The following IFRD1 variants were observed in gnomAD, a reference collection of about 807,000 sequenced individuals.
IFRD1 encodes the protein interferon related developmental regulator 1, also known as interferon-related developmental regulator 1.
IFRD1 carries 35 observed loss-of-function variants against 52.9 expected under a neutral mutation model. The ratio of observed to expected loss-of-function variants is 0.66; its 90% CI spans 0.51 to 0.88. IFRD1 has a LOEUF of 0.88. Ranked by LOEUF, IFRD1 falls within the 40% of genes least tolerant of loss-of-function variation. The pLI is 0.00. For missense variants in IFRD1, 517 were observed against 550.8 expected (o/e 0.94, Z 0.61); for synonymous variants, 184 against 188.4 (o/e 0.98, Z 0.19).
At chr7:112,440,743 C>A (rs1358579634) in intron 1 of IFRD1, among the ~76,000 whole-genome samples, 1 of 152,006 alleles carries the variant, frequency 6.6e-6, no homozygotes, top group Non-Finnish European at 1.5e-5. Flanking sequence ...AGACACTAAT[C>A]AAAAAAACAG....
At position 112,455,805 on chromosome 7, in the gene IFRD1, C is replaced by T. The variant is rs1174950724; in HGVS notation, c.137C>T (p.Ala46Val). The stretch of plus-strand genomic sequence containing the variant: ...GTTCAGCCTTTTAGTGATGAAGATG[C>T]ATCAATTGAAACAATGAGCCATTGC... ...RNVQPFSDED[A>V]SIETMSHCSG... The change falls in exon 2 of 12, where the codon GCA (alanine) becomes GTA (valine). Residue 46 changes from alanine to valine, a missense_variant. Physicochemically the swap from Ala to Val is moderately conservative, Grantham distance 64 (BLOSUM62 0). Transcript: ENST00000403825. 3.1e-6 allele frequency: 5 copies of T among 1,613,014 alleles called. No homozygotes were observed. The highest frequency in any genetic ancestry group is 2.2e-5 in the South Asian group (2 of 91,054).
upstream of IFRD1, among the ~76,000 whole-genome samples, chr7:112,446,802 A>T (rs1795040726): frequency 6.6e-6 from 1 of 152,156 alleles, no homozygotes; most frequent in Admixed American, 6.5e-5. Flanking sequence ...AGTGGATGAA[A>T]AGAGGGGCAG....
At chr7:112,446,241 T>C, upstream of IFRD1, 1 of 208,290 alleles carries the variant, frequency 4.8e-6, no homozygotes, top group Non-Finnish European at 1.0e-5. Flanking sequence ...CCATAAACGC[T>C]CCAGTACCAC....
Position 112,450,688 on chromosome 7 carries a change from G to A in IFRD1, c.-1G>A, listed in dbSNP as rs772461844. On this transcript the variant is annotated 5_prime_UTR_variant, in exon 1 of 12. Transcript: ENST00000403825. ...CTCTGGGCGGCACCGGGCGTCCCAC[G>A]ATGCCGAAGAACAAGAAGCGGAACA... 3.7e-6 allele frequency: 6 copies of A among 1,612,420 alleles called. No homozygotes were observed. The highest frequency in any genetic ancestry group is 5.1e-6 in the Non-Finnish European group (6 of 1,179,600).
intron 5 of IFRD1, among the ~76,000 whole-genome samples, chr7:112,460,064 C>T (rs117510997): frequency 6.6e-6 from 1 of 152,226 alleles, no homozygotes; most frequent in Non-Finnish European, 1.5e-5. Flanking sequence ...GCTAGAATGA[C>T]AGAAAACACT....
Position 112,475,414 on chromosome 7 carries a change from C to CT in IFRD1, c.1267-9dup. On this transcript the variant is annotated splice_polypyrimidine_tract_variant and intron_variant, in intron 11 of 11. Coordinates refer to ENST00000403825, the MANE Select transcript of IFRD1 (RefSeq NM_001550.4). ...TAAGTCTTACTGATGCACGTTTTTC[C>CT]TTTTTTTCATTTTAGCATTTATATA... 4 of 1,544,202 alleles carry CT rather than the reference C, an allele frequency of 2.6e-6. No homozygotes were observed. The highest frequency in any genetic ancestry group is 3.6e-6 in the Non-Finnish European group (4 of 1,118,264).
rs1003217775 is a variant in IFRD1 at position 112,450,471 on chromosome 7, C to T, written c.-218C>T. The T allele has an allele frequency of 7.0e-5, 41 of 588,154 alleles. No individual in the cohort carries two copies. Among genetic ancestry groups the T allele is most frequent in the African/African-American group, 5.6e-4 (30 of 53,496 alleles). 36.4% of individuals were successfully genotyped at this position (588,154 alleles called of 1,614,324 possible). A position where few individuals can be genotyped will look rare whatever the true frequency, so the allele number is the denominator to read the frequency against. On this transcript the variant is annotated 5_prime_UTR_variant, in exon 1 of 12. Coordinates refer to ENST00000403825, the MANE Select transcript of IFRD1 (RefSeq NM_001550.4). ...GCCTCCCCTGCCCCGCCTTAGCTCCCGCGCTAGAGAGAAACATGTATCGTT... is the reference window on the plus strand; with the variant it reads ...GCCTCCCCTGCCCCGCCTTAGCTCCTGCGCTAGAGAGAAACATGTATCGTT...
intron 4 of IFRD1, 76 bp from the exon 5 acceptor site, chr7:112,458,785 A>T: frequency 1.5e-6 from 2 of 1,365,704 alleles, no homozygotes; most frequent in Non-Finnish European, 2.1e-6. Context: ...TCATTGATCA[A>T]ATTTGGGAAA....
intron 1 of IFRD1, among the ~76,000 whole-genome samples, chr7:112,424,139 C>G (rs1403771747): frequency 6.6e-6 from 1 of 152,086 alleles, no homozygotes; most frequent in African/African-American, 2.4e-5. Flanking sequence ...AGGGAGCCAG[C>G]AGGTGGGGGT....
At chr7:112,456,563 T>G (rs556575847) in intron 3 of IFRD1, among the ~76,000 whole-genome samples, 1 of 150,392 alleles carries the variant, frequency 6.6e-6, no homozygotes, top group Non-Finnish European at 1.5e-5. Context: ...AATTCTAGAC[T>G]TTTATAGTTT....
chr7:112,430,793 C>G (rs1431868953), intron 1 of IFRD1, among the ~76,000 whole-genome samples: 13 of 152,132 alleles, frequency 8.5e-5, no homozygotes, highest in Non-Finnish European at 1.5e-5. Context: ...GAAGGATCAC[C>G]TACTGCAGTT....
rs757102781 is a variant in IFRD1, at chr7:112,450,656, G to T, written c.-33G>T. On this transcript the variant is annotated 5_prime_UTR_variant, in exon 1 of 12. Transcript: ENST00000403825. ...AGCTCCATCGGCTGATCCTCGCTAA[G>T]CTCCGACTCTGGGCGGCACCGGGCG... 6.4e-7 allele frequency: 1 copy of T among 1,566,056 alleles called. No individual in the cohort carries two copies. Among genetic ancestry groups the T allele is most frequent in the Non-Finnish European group, 8.8e-7 (1 of 1,137,482 alleles).
At chr7:112,431,589 T>C (rs13236229) in intron 1 of IFRD1, among the ~76,000 whole-genome samples, 5 of 152,184 alleles carry the variant, frequency 3.3e-5, no homozygotes, top group African/African-American at 1.2e-4. Context: ...TCCCATCCTA[T>C]TGCAATACTG....
At chr7:112,435,304 C>A (rs1475041831) in intron 1 of IFRD1, 1 of 152,192 alleles carries the variant, frequency 6.6e-6, no homozygotes, top group East Asian at 1.9e-4. Context: ...TTGTGAGGCA[C>A]TCCAGGGCTT....
At chr7:112,447,335 T>A (rs1795051577), upstream of IFRD1, among the ~76,000 whole-genome samples, 1 of 152,252 alleles carries the variant, frequency 6.6e-6, no homozygotes, top group South Asian at 2.1e-4. Context: ...CAGCACATAA[T>A]GTCATGTTGG....
At chr7:112,456,274 G>A (rs1276576769) in intron 3 of IFRD1, among the ~76,000 whole-genome samples, 188 bp downstream of exon 3, 1 of 152,098 alleles carries the variant, frequency 6.6e-6, no homozygotes, top group Non-Finnish European at 1.5e-5. Context: ...TTCTTATTCC[G>A]TTGGACTTTA....
intron 1 of IFRD1, among the ~76,000 whole-genome samples, chr7:112,451,780 G>T (rs1044875137): frequency 5.3e-5 from 8 of 152,100 alleles, no homozygotes; most frequent in African/African-American, 1.9e-4. Context: ...ATTTAAACAG[G>T]AGTTAAATAT....
chr7:112,450,620 G>C lies in IFRD1; in HGVS notation c.-69G>C. On this transcript the variant is annotated 5_prime_UTR_variant, in exon 1 of 12. Coordinates refer to ENST00000403825, the MANE Select transcript of IFRD1 (RefSeq NM_001550.4). ...AGCCGCCCGCCGCACAGACGCACGAGTAAAAAGTGCAGCTCCATCGGCTGA... is the reference window on the plus strand; with the variant it reads ...AGCCGCCCGCCGCACAGACGCACGACTAAAAAGTGCAGCTCCATCGGCTGA... The C allele has an allele frequency of 7.8e-7, 1 of 1,276,566 alleles. No homozygotes were observed. Among genetic ancestry groups the C allele is most frequent in the Non-Finnish European group, 1.1e-6 (1 of 875,246 alleles). The allele number at this position is 1,276,566 out of a possible 1,614,324, so 79.1% of individuals were successfully genotyped here. A position where few individuals can be genotyped will look rare whatever the true frequency, so the allele number is the denominator to read the frequency against.
chr7:112,435,876 C>CTTTTTTT (rs61293743), intron 1 of IFRD1, among the ~76,000 whole-genome samples: 1 of 141,868 alleles, frequency 7.0e-6, no homozygotes, highest in African/African-American at 2.6e-5. Context: ...TTTTTTCTCT[C>CTTTTTTT]TTTTTTTTTT....
Sources: allele counts gnomAD v4.1 joint callset (sites outside exome capture counted in the v4.1 genomes callset), GRCh38; gene constraint gnomAD v4.1.1; transcripts MANE v1.5; gene names NCBI Gene and HGNC (gene_info 2026-07-23, HGNC 2026-07-21).